The following RSPH14 variants were observed in gnomAD, a reference collection of about 807,000 sequenced individuals.
RSPH14 encodes radial spoke head 14 homolog, also known as rhabdoid tumor deletion region gene 1.
RSPH14 carries 20 observed loss-of-function variants against 26.7 expected under a neutral mutation model. That is an observed-to-expected ratio of 0.75 (90% CI 0.53 to 1.09). RSPH14 has a LOEUF of 1.09. RSPH14 is among the 50% of genes least tolerant of loss of function. The pLI is 0.00. For missense variants in RSPH14, 449 were observed against 457.2 expected, an observed-to-expected ratio of 0.98 and a Z score of 0.16; for synonymous variants, 177 against 189.3, an observed-to-expected ratio of 0.93 and a Z score of 0.53.
At chr22:23,059,788 C>G in intron 6 of RSPH14, 70 bp from the exon 7 acceptor site, 1 of 1,460,494 alleles carries the variant, frequency 6.8e-7, no homozygotes, top group Non-Finnish European at 9.0e-7. Context: ...CTCACCCTAG[C>G]CCTCTCCTGA....
At chr22:23,097,591 C>T (rs779977753) in intron 4 of RSPH14, among the ~76,000 whole-genome samples, 2 of 152,234 alleles carry the variant, frequency 1.3e-5, no homozygotes, top group East Asian at 1.9e-4. Flanking sequence ...CAGGTGTGTA[C>T]GCAGGCGGCT....
At chr22:23,149,510 T>C (rs1402010055), upstream of RSPH14, among the ~76,000 whole-genome samples, 1 of 152,158 alleles carries the variant, frequency 6.6e-6, no homozygotes, top group Non-Finnish European at 1.5e-5. Context: ...TGTATGCATG[T>C]TTTTAAAACA....
At chr22:23,117,837 T>C (rs2069895590) in intron 4 of RSPH14, among the ~76,000 whole-genome samples, 1 of 152,186 alleles carries the variant, frequency 6.6e-6, no homozygotes, top group African/African-American at 2.4e-5. Context: ...CCCCTTTGTG[T>C]CACCAGGAGA....
chr22:23,078,574 T>A (rs1263686492), intron 4 of RSPH14, among the ~76,000 whole-genome samples: 2 of 152,188 alleles, frequency 1.3e-5, no homozygotes, highest in Non-Finnish European at 2.9e-5. Context: ...CTCTCCCTCC[T>A]CCCAGGATGG....
chr22:23,099,063 C>T (rs951094993), intron 4 of RSPH14, among the ~76,000 whole-genome samples: 1 of 152,246 alleles, frequency 6.6e-6, no homozygotes, highest in Admixed American at 6.5e-5. Flanking sequence ...CATAGCCCTC[C>T]TTCCGTGCTC....
intron 4 of RSPH14, among the ~76,000 whole-genome samples, chr22:23,112,464 G>A (rs759077146): frequency 4.6e-5 from 7 of 152,134 alleles, no homozygotes; most frequent in Non-Finnish European, 1.0e-4. Context: ...GGTGCAGCCA[G>A]GAGGCCAGAT....
Position 23,136,144 on chromosome 22 carries a change from T to G in RSPH14, c.303-2000A>C, listed in dbSNP as rs1010153115. 192 of 651,938 alleles carry G rather than the reference T, an allele frequency of 2.9e-4. 1 individual carries two copies. The Middle Eastern group carries it at 3.3e-3, about 11-fold the overall frequency. 40.4% of individuals were successfully genotyped at this position (651,938 alleles called of 1,614,324 possible). Reference sequence around the variant, plus strand: ...CTAGTCACCCACTCCATGTCTCTCATGCTTTGATAGTCAGTTGTGTTTGCC... The same window carrying G: ...CTAGTCACCCACTCCATGTCTCTCAGGCTTTGATAGTCAGTTGTGTTTGCC... On this transcript the variant is annotated intron_variant, in intron 3 of 6. Transcript: ENST00000216036.
chr22:23,107,720 C>T (rs992553069), intron 4 of RSPH14, among the ~76,000 whole-genome samples: 1 of 152,162 alleles, frequency 6.6e-6, no homozygotes, highest in African/African-American at 2.4e-5. Context: ...ACACAGAACC[C>T]CAGGGGGTTG....
chr22:23,096,061 C>T (rs145202716), intron 4 of RSPH14: 124 of 1,607,652 alleles, frequency 7.7e-5, no homozygotes, highest in Non-Finnish European at 2.6e-5. Context: ...AGATCACACC[C>T]GAGCTGCTGG....
intron 4 of RSPH14, among the ~76,000 whole-genome samples, chr22:23,111,075 G>A (rs1489279393): frequency 2.6e-5 from 4 of 152,216 alleles, no homozygotes; most frequent in African/African-American, 7.2e-5. Context: ...CATTTGCTGG[G>A]GGGCCTGCGC....
chr22:23,123,378 G>A (rs1379507136), intron 4 of RSPH14: 17 of 1,613,792 alleles, frequency 1.1e-5, no homozygotes, highest in East Asian at 4.5e-5. Context: ...TGTCTTCGAC[G>A]CGGTGACAGA....
the RSPH14 span, among the ~76,000 whole-genome samples, chr22:23,179,528 G>A: frequency 6.6e-6 from 1 of 152,186 alleles, no homozygotes; most frequent in African/African-American, 2.4e-5. Flanking sequence ...TTAGAGGGAG[G>A]CTAATCAGGG....
chr22:23,143,638 G>C (rs182731529), upstream of RSPH14, among the ~76,000 whole-genome samples: 6 of 152,294 alleles, frequency 3.9e-5, no homozygotes, highest in Admixed American at 2.0e-4. Context: ...TGTCTAAAAA[G>C]TATAAAAGCA....
chr22:23,142,082 G>A (rs1355551067), upstream of RSPH14: 15 of 975,580 alleles, frequency 1.5e-5, no homozygotes, highest in African/African-American at 2.3e-4. Flanking sequence ...CACCCACTGC[G>A]CAGGCGCAAA....
chr22:23,082,279 C>G (rs369434390), intron 4 of RSPH14, among the ~76,000 whole-genome samples: 1 of 151,440 alleles, frequency 6.6e-6, no homozygotes, highest in Non-Finnish European at 1.5e-5. Context: ...TGTAATGGCG[C>G]GATCTCGGCT....
At chr22:23,134,761 A>C (rs1408634922) in intron 3 of RSPH14, among the ~76,000 whole-genome samples, 1 of 152,028 alleles carries the variant, frequency 6.6e-6, no homozygotes. Flanking sequence ...AGCTACTCAG[A>C]AGGCTGAGGC....
At chr22:23,095,394 C>T (rs920928738) in intron 4 of RSPH14, 3 of 367,146 alleles carry the variant, frequency 8.2e-6, no homozygotes, top group African/African-American at 4.1e-5. Context: ...CACAAGCGGA[C>T]GGCTTCCCAC....
At chr22:23,131,740 C>A in intron 4 of RSPH14, 1 of 774,340 alleles carries the variant, frequency 1.3e-6, no homozygotes, top group Non-Finnish European at 2.0e-6. Flanking sequence ...ATGGATCACC[C>A]TAATACCCCA....
intron 4 of RSPH14, among the ~76,000 whole-genome samples, chr22:23,064,722 G>A (rs1886094690): frequency 6.6e-6 from 1 of 152,178 alleles, no homozygotes; most frequent in South Asian, 2.1e-4. Flanking sequence ...GAAGCCATAG[G>A]CTCTCGTCTT....
Sources: allele counts gnomAD v4.1 joint callset (sites outside exome capture counted in the v4.1 genomes callset), GRCh38; gene constraint gnomAD v4.1.1; transcripts MANE v1.5; gene names NCBI Gene and HGNC (gene_info 2026-07-23, HGNC 2026-07-21).